Variants in EIF3F observed in about 807,000 individuals in gnomAD.
EIF3F encodes the protein deubiquitinating enzyme eIF3f.
A neutral mutation model predicts 36.0 loss-of-function variants in EIF3F; 8 were observed. The observed-to-expected ratio is 0.22, with a 90% confidence interval of 0.13 to 0.40. EIF3F has a LOEUF of 0.40. Ranked by LOEUF, EIF3F falls within the 10% of genes least tolerant of loss-of-function variation. The pLI is 1.00. For synonymous variants in EIF3F, 184 were observed against 188.5 expected, an observed-to-expected ratio of 0.98 and a Z score of 0.19; for missense variants, 430 against 467.6, an observed-to-expected ratio of 0.92 and a Z score of 0.74.
chr11:7,999,645 A>C lies in EIF3F; in HGVS notation c.*3623A>C, dbSNP rs966009041. 6.6e-6 allele frequency: 1 copy of C among 151,898 alleles called. No individual in the cohort carries two copies. The highest frequency in any genetic ancestry group is 2.4e-5 in the African/African-American group (1 of 41,182). 9.4% of individuals were successfully genotyped at this position (151,898 alleles called of 1,614,324 possible). A position where few individuals can be genotyped will look rare whatever the true frequency, so the allele number is the denominator to read the frequency against. Reference sequence around the variant, plus strand: ...TGGTCCATAAAAGAACATAAAACCAAATAGTTCAGTAGACTCAAAATGCAA... The same window carrying C: ...TGGTCCATAAAAGAACATAAAACCACATAGTTCAGTAGACTCAAAATGCAA... On this transcript the variant is annotated 3_prime_UTR_variant, in exon 8 of 8. Coordinates refer to ENST00000651655, the MANE Select transcript of EIF3F (RefSeq NM_003754.3).
rs192590368 is a variant in EIF3F, at chr11:7,996,308, T to C, written c.*286T>C. 1.8e-4 allele frequency: 49 copies of C among 276,276 alleles called. No individual in the cohort carries two copies. Among genetic ancestry groups the C allele is most frequent in the Non-Finnish European group, 2.6e-4 (38 of 147,132 alleles). The allele number at this position is 276,276 out of a possible 1,614,324, so 17.1% of individuals were successfully genotyped here. The stretch of plus-strand genomic sequence containing the variant: ...GTTACTGTTTTACCAAACTGTTCTT[T>C]TGGTTTTCAATATGGAAAGGTGTCC... On this transcript the variant is annotated 3_prime_UTR_variant, in exon 8 of 8. Coordinates refer to ENST00000651655, the MANE Select transcript of EIF3F (RefSeq NM_003754.3).
chr11:7,990,644 A>G (rs1942080792), intron 1 of EIF3F, among the ~76,000 whole-genome samples: 1 of 152,186 alleles, frequency 6.6e-6, no homozygotes, highest in Non-Finnish European at 1.5e-5. Context: ...AGGTCAAATA[A>G]GATAAAGGAT....
intron 7 of EIF3F, 43 bp downstream of exon 7, chr11:7,995,410 C>A: frequency 6.8e-7 from 1 of 1,462,844 alleles, no homozygotes; most frequent in South Asian, 1.1e-5. Context: ...GTTTCTTCCC[C>A]CACCTCAGCA....
rs1046396043 is a variant in EIF3F at position 8,001,088 on chromosome 11, C to A, written c.*5066C>A. The A allele has an allele frequency of 1.2e-4, 18 of 152,182 alleles. No homozygotes were observed. The highest frequency in any genetic ancestry group is 2.4e-4 in the Non-Finnish European group (16 of 68,028). The allele number at this position is 152,182 out of a possible 1,614,324, so 9.4% of individuals were successfully genotyped here. On this transcript the variant is annotated 3_prime_UTR_variant, in exon 8 of 8. Coordinates refer to ENST00000651655, the MANE Select transcript of EIF3F (RefSeq NM_003754.3). ...GTTTTTTAAGGCCAGTAATTTGATACATTAGTGTGTAAAGGATATGACCAG... is the reference window on the plus strand; with the variant it reads ...GTTTTTTAAGGCCAGTAATTTGATAAATTAGTGTGTAAAGGATATGACCAG...
At chr11:7,993,855 G>A (rs1345658418) in intron 4 of EIF3F, among the ~76,000 whole-genome samples, 1 of 148,708 alleles carries the variant, frequency 6.7e-6, no homozygotes, top group Non-Finnish European at 1.5e-5. Flanking sequence ...TATGGATCCA[G>A]TATATACAAT....
chr11:7,993,450 A>T (rs1942122225), intron 4 of EIF3F, among the ~76,000 whole-genome samples: 1 of 152,088 alleles, frequency 6.6e-6, no homozygotes, highest in Non-Finnish European at 1.5e-5. Context: ...GACTGTCCTT[A>T]TTTTGAACAC....
In EIF3F at chr11:7,999,220, A is replaced by G. The variant is rs1322369396; in HGVS notation, c.*3198A>G. ...GAGGTAGGGGTTGCAGTGAGCTGAG[A>G]TCGCACCACTGCACCCCAGCCTGGG... On this transcript the variant is annotated 3_prime_UTR_variant, in exon 8 of 8. Coordinates refer to ENST00000651655, the MANE Select transcript of EIF3F (RefSeq NM_003754.3). The G allele has an allele frequency of 6.6e-6, 1 of 152,246 alleles. No individual in the cohort carries two copies. The highest frequency in any genetic ancestry group is 2.4e-5 in the African/African-American group (1 of 41,454). 9.4% of individuals were successfully genotyped at this position (152,246 alleles called of 1,614,324 possible). A position where few individuals can be genotyped will look rare whatever the true frequency, so the allele number is the denominator to read the frequency against.
rs191080459 is a variant in EIF3F at position 7,994,119 on chromosome 11, C to A, written c.654-307C>A. On this transcript the variant is annotated intron_variant, in intron 4 of 7. Transcript: ENST00000651655. ...CCATGGTAGGTAGCTGTCTAGACAG[C>A]CAGCTCTACGGGGTAATTGAGTCCT... Among the ~76,000 whole-genome samples, 16 of 152,230 alleles carry A rather than the reference C, an allele frequency of 1.1e-4. No homozygotes were observed. The East Asian group carries it at 1.5e-3, about 15-fold the overall frequency.
chr11:7,993,889 A>G (rs1367169072), intron 4 of EIF3F, among the ~76,000 whole-genome samples: 2 of 152,098 alleles, frequency 1.3e-5, no homozygotes, highest in African/African-American at 4.8e-5. Context: ...CCAACTATAT[A>G]TATGTATATA....
rs1942166076 is a variant in EIF3F, at chr11:7,996,854, C to G, written c.*832C>G. 1 of 152,154 alleles carries G rather than the reference C, an allele frequency of 6.6e-6. No homozygotes were observed. Among genetic ancestry groups the G allele is most frequent in the African/African-American group, 2.4e-5 (1 of 41,420 alleles). The allele number at this position is 152,154 out of a possible 1,614,324, so 9.4% of individuals were successfully genotyped here. ...AATGGGGAATCAAAAAGGCCTGGAT[C>G]CTAGTTCTGAGGTATGTGTAGCCTT... On this transcript the variant is annotated 3_prime_UTR_variant, in exon 8 of 8. Transcript: ENST00000651655.
rs1942169194 is a variant in EIF3F, at chr11:7,997,086, C to T, written c.*1064C>T. The T allele has an allele frequency of 1.3e-5, 2 of 152,088 alleles. No individual in the cohort carries two copies. The highest frequency in any genetic ancestry group is 4.8e-5 in the African/African-American group (2 of 41,414). The allele number at this position is 152,088 out of a possible 1,614,324, so 9.4% of individuals were successfully genotyped here. On this transcript the variant is annotated 3_prime_UTR_variant, in exon 8 of 8. Transcript: ENST00000651655. ...TTGAAAGTAATAAGCAACATGAACC[C>T]CAGCCTGGAACTCAGTTCTGAGATA...
rs758611755 is a variant in EIF3F, at chr11:7,987,578, G to T, written c.226G>T (p.Ala76Ser). The T allele has an allele frequency of 1.0e-5, 16 of 1,596,290 alleles. No individual in the cohort carries two copies. In the African/African-American group the frequency reaches 1.6e-4, roughly 16 times the overall value. ...AGCTCCAGCGCAGACCCCAGCGCCC[G>T]CTCTGCCTGGTCCTGCTCTTCCAGG... The part of the protein sequence containing the change: ...AQAPAQTPAP[A>S]LPGPALPGPF... Residue 76 changes from alanine to serine, a missense_variant, in exon 1 of 8, where the codon GCT becomes TCT. Around this residue, in one of 2 missense-constraint regions of EIF3F, gnomAD observed 168 missense variants for 120.2 expected, o/e 1.40. Coordinates refer to ENST00000651655, the MANE Select transcript of EIF3F (RefSeq NM_003754.3).
rs1205353165 is a variant in EIF3F at position 7,994,517 on chromosome 11, G to A, written c.745G>A (p.Val249Ile). 1 of 1,612,970 alleles carries A rather than the reference G, an allele frequency of 6.2e-7. No homozygotes were observed. The highest frequency in any genetic ancestry group is 8.5e-7 in the Non-Finnish European group (1 of 1,179,480). Reference protein sequence around the residue: ...YAYYDTERIGVDLIMKTCFSP... With the variant: ...YAYYDTERIGIDLIMKTCFSP... ...GTACTACGACACTGAACGCATCGGAGGTGAGTAACCTTTCCATACACTCGC... is the reference window on the plus strand; with the variant it reads ...GTACTACGACACTGAACGCATCGGAAGTGAGTAACCTTTCCATACACTCGC... Residue 249 changes from valine (V) to isoleucine (I), a missense_variant and splice_region_variant, in exon 5 of 8, where the codon GTT (valine) becomes ATT (isoleucine). By Grantham distance (29) the Val-to-Ile change is conservative. Transcript: ENST00000651655.
At chr11:7,993,769 C>T (rs1041004596) in intron 4 of EIF3F, among the ~76,000 whole-genome samples, 1 of 152,134 alleles carries the variant, frequency 6.6e-6, no homozygotes, top group Non-Finnish European at 1.5e-5. Context: ...TGGCATACCA[C>T]TAAGCACTAG....
At chr11:7,994,788 A>T in intron 5 of EIF3F, 194 bp from the exon 6 acceptor site, 1 of 800,382 alleles carries the variant, frequency 1.2e-6, no homozygotes, top group Middle Eastern at 3.7e-4. Flanking sequence ...AGGTAAAAGG[A>T]GTTGAGCTCT....
At chr11:7,992,841 G>T in intron 3 of EIF3F, 46 bp from the exon 4 acceptor site, 1 of 1,612,280 alleles carries the variant, frequency 6.2e-7, no homozygotes, top group South Asian at 1.1e-5. Flanking sequence ...GTTTGATATT[G>T]ACGCCACATA....
chr11:7,989,163 A>G (rs1942062242), intron 1 of EIF3F, among the ~76,000 whole-genome samples: 1 of 152,206 alleles, frequency 6.6e-6, no homozygotes, highest in Non-Finnish European at 1.5e-5. Flanking sequence ...CTTCCACAGC[A>G]TGATGGTGTT....
At position 7,987,679 on chromosome 11, in the gene EIF3F, C is replaced by T. The variant is rs778195094; in HGVS notation, c.327C>T (p.Arg109=). The change falls in exon 1 of 8, where the codon CGC becomes CGT. Residue 109 remains arginine (R), a synonymous_variant. Coordinates refer to ENST00000651655, the MANE Select transcript of EIF3F (RefSeq NM_003754.3). ...CCATTGTGGACAGCTACGAGAGACG[C>T]AACGAGGGTGCTGCCCGAGTTATCG... is the stretch of plus-strand genomic sequence containing the variant. ...LASIVDSYER[R]NEGAARVIGT... 27 of 1,516,072 alleles carry T rather than the reference C, an allele frequency of 1.8e-5. No homozygotes were observed. The highest frequency in any genetic ancestry group is 2.4e-5 in the Non-Finnish European group (27 of 1,134,912). 93.9% of individuals were successfully genotyped at this position (1,516,072 alleles called of 1,614,324 possible). A position where few individuals can be genotyped will look rare whatever the true frequency, so the allele number is the denominator to read the frequency against.
At chr11:7,990,565 T>A (rs1375583137) in intron 1 of EIF3F, among the ~76,000 whole-genome samples, 1 of 151,922 alleles carries the variant, frequency 6.6e-6, no homozygotes, top group African/African-American at 2.4e-5. Flanking sequence ...ATTAGAAAGG[T>A]AGGAAGAAAA....
Sources: gnomAD v4.1 joint callset for allele counts (sites outside exome capture counted in the v4.1 genomes callset) on GRCh38, gnomAD v4.1.1 for gene constraint, gnomAD v4.1.1 regional missense constraint, MANE v1.5 for transcripts, NCBI Gene and HGNC (gene_info 2026-07-23, HGNC 2026-07-21) for gene names.